Variants in JAKMIP1 observed in about 807,000 individuals in gnomAD.
JAKMIP1 encodes janus kinase and microtubule-interacting protein 1.
JAKMIP1 carries 33 observed loss-of-function variants against 113.0 expected under a neutral mutation model. That is an observed-to-expected ratio of 0.29 (90% confidence interval 0.22 to 0.39). The LOEUF (loss-of-function observed/expected upper bound fraction) is 0.39, where lower values mean the gene tolerates loss of function less well. JAKMIP1 is among the 10% of genes least tolerant of loss of function. The pLI is 1.00. For missense variants in JAKMIP1, 813 were observed against 1,080.5 expected (o/e 0.75, Z 3.47); for synonymous variants, 480 against 459.9 (o/e 1.04, Z -0.56).
In JAKMIP1 at chr4:6,033,146, TCTC is replaced by T. The variant is rs779467954; in HGVS notation, c.2379+2755_2379+2757del. On this transcript the variant is annotated intron_variant, in intron 19 of 20. Coordinates refer to ENST00000409021, the MANE Select transcript of JAKMIP1 (RefSeq NM_001099433.2). ...ACTAATGGATGTTTTCACATCCTCTTCTCCTCTTAGTTAACAGGGCTGGAAAAT... is the reference window on the plus strand; with the variant it reads ...ACTAATGGATGTTTTCACATCCTCTTCTCTTAGTTAACAGGGCTGGAAAAT... 3.9e-5 allele frequency among the ~76,000 whole-genome samples: 6 copies of T among 152,340 alleles called. No individual in the cohort carries two copies. The East Asian group carries it at 1.2e-3, about 29-fold the overall frequency.
intron 20 of JAKMIP1, among the ~76,000 whole-genome samples, chr4:6,026,893 A>C (rs1711916364): frequency 7.1e-6 from 1 of 139,876 alleles, no homozygotes. Context: ...TTTTTAGCTC[A>C]CCAGCTATTG....
In JAKMIP1 at chr4:6,116,716, C is replaced by T. The variant is rs1237274094; in HGVS notation, c.-147-3719G>A. Among the ~76,000 whole-genome samples the T allele has an allele frequency of 5.9e-5, 9 of 152,274 alleles. No homozygotes were observed. Among genetic ancestry groups the T allele is most frequent in the South Asian group, 2.1e-4 (1 of 4,820 alleles). ...AACTGCCTACAGGAAATTAATATAC[C>T]GGGCATGCAGGAGGACCAGACAAGG... On this transcript the variant is annotated intron_variant, in intron 1 of 20. Coordinates refer to ENST00000409021, the MANE Select transcript of JAKMIP1 (RefSeq NM_001099433.2). This position sits in a 1 kb window ranked among gnomAD's most constrained non-coding sequence, Gnocchi z 5.1.
rs1228020473 is a variant in JAKMIP1, at chr4:6,064,227, C to A, written c.1431+653G>T. Among the ~76,000 whole-genome samples the A allele has an allele frequency of 6.6e-6, 1 of 152,232 alleles. No homozygotes were observed. The highest frequency in any genetic ancestry group is 2.4e-5 in the African/African-American group (1 of 41,464). ...CATCACTGGAAGGCATAGAAGCCCA[C>A]AAGGTCTGCCTGAGATGTAATCAGC... is the stretch of plus-strand genomic sequence containing the variant. On this transcript the variant is annotated intron_variant, in intron 9 of 20. Transcript: ENST00000409021. The surrounding 1 kb of genome is among the most constrained non-coding windows in gnomAD (Gnocchi z 4.3).
At chr4:6,131,291 G>C (rs1718486468) in intron 1 of JAKMIP1, among the ~76,000 whole-genome samples, 1 of 143,850 alleles carries the variant, frequency 7.0e-6, no homozygotes, top group South Asian at 2.2e-4. Flanking sequence ...TAGTATCTGA[G>C]AATTTCACAA....
intron 1 of JAKMIP1, among the ~76,000 whole-genome samples, chr4:6,119,912 T>G (rs1431427436): frequency 2.6e-5 from 4 of 152,336 alleles, no homozygotes; most frequent in African/African-American, 9.6e-5. Flanking sequence ...CAGCCCCACA[T>G]GGCCTGATAG....
At chr4:6,071,061 A>AAATGT (rs1414776383) in intron 8 of JAKMIP1, among the ~76,000 whole-genome samples, 2 of 152,406 alleles carry the variant, frequency 1.3e-5, no homozygotes, top group African/African-American at 4.8e-5. Flanking sequence ...TTCATAAAAG[A>AAATGT]AATGTACATA....
In JAKMIP1 at chr4:6,156,552, G is replaced by A. The variant is rs113996477; in HGVS notation, c.-147-43555C>T. On this transcript the variant is annotated intron_variant, in intron 1 of 20. Coordinates refer to ENST00000409021, the MANE Select transcript of JAKMIP1 (RefSeq NM_001099433.2). This position sits in a 1 kb window ranked among gnomAD's most constrained non-coding sequence, Gnocchi z 5.0. ...CCAGAGCCATCTGTTCTGAGCGTTC[G>A]GCTTCAGCCCCCAGTCATCCTGGTG... 7.4e-3 allele frequency among the ~76,000 whole-genome samples: 1,121 copies of A among 152,298 alleles called. 13 individuals are homozygous for A. The highest frequency in any genetic ancestry group is 0.025 in the African/African-American group (1,059 of 41,550).
chr4:6,120,250 G>C (rs928605919), intron 1 of JAKMIP1, among the ~76,000 whole-genome samples: 1 of 150,556 alleles, frequency 6.6e-6, no homozygotes, highest in Admixed American at 6.6e-5. Flanking sequence ...CTCTGAGTAA[G>C]TACATGACTT....
At position 6,188,478 on chromosome 4, in the gene JAKMIP1, C is replaced by G. The variant is rs746462432; in HGVS notation, c.-148+11775G>C. Among the ~76,000 whole-genome samples the G allele has an allele frequency of 1.9e-4, 29 of 152,266 alleles. No individual in the cohort carries two copies. Among genetic ancestry groups the G allele is most frequent in the Non-Finnish European group, 4.1e-4 (28 of 68,020 alleles). On this transcript the variant is annotated intron_variant, in intron 1 of 20. Coordinates refer to ENST00000409021, the MANE Select transcript of JAKMIP1 (RefSeq NM_001099433.2). This position sits in a 1 kb window ranked among gnomAD's most constrained non-coding sequence, Gnocchi z 5.8. ...AGACACCACCCCAAAATGTTCAGCC[C>G]ACATCCCTACCTAAGAGTGACTTAA...
chr4:6,033,649 G>C (rs943753501), intron 19 of JAKMIP1, among the ~76,000 whole-genome samples: 2 of 152,152 alleles, frequency 1.3e-5, no homozygotes, highest in African/African-American at 4.8e-5. Context: ...GGCAGGATTT[G>C]AATAAAAACC....
rs1456754474 is a variant in JAKMIP1, at chr4:6,116,205, C to T, written c.-147-3208G>A. On this transcript the variant is annotated intron_variant, in intron 1 of 20. Coordinates refer to ENST00000409021, the MANE Select transcript of JAKMIP1 (RefSeq NM_001099433.2). This position sits in a 1 kb window ranked among gnomAD's most constrained non-coding sequence, Gnocchi z 5.1. The stretch of plus-strand genomic sequence containing the variant: ...TGCCATGGACACACTGTTGATAGTC[C>T]CGACGCTCACAGCACCACACAGCAT... Among the ~76,000 whole-genome samples the T allele has an allele frequency of 1.3e-5, 2 of 151,972 alleles. No individual in the cohort carries two copies. Among genetic ancestry groups the T allele is most frequent in the Non-Finnish European group, 2.9e-5 (2 of 67,992 alleles).
rs557009257 is a variant in JAKMIP1 at position 6,105,733 on chromosome 4, C to G, written c.364G>C (p.Asp122His). Residue 122 changes from aspartate to histidine, a missense_variant, in exon 3 of 21, where the codon GAC (aspartate) becomes CAC (histidine). By Grantham distance (81) the Asp-to-His change is moderately conservative (BLOSUM62 -1). Transcript: ENST00000409021. ...RLQATLNVLR[D>H]GAADKVKTAL... ...GTCTTGACCTTGTCGGCCGCGCCGTCGCGCAGCACGTTCAGCGTGGCCTGC... is the reference window on the plus strand; with the variant it reads ...GTCTTGACCTTGTCGGCCGCGCCGTGGCGCAGCACGTTCAGCGTGGCCTGC... 9 of 1,601,392 alleles carry G rather than the reference C, an allele frequency of 5.6e-6. No individual in the cohort carries two copies. The South Asian group carries it at 9.9e-5, about 18-fold the overall frequency.
intron 8 of JAKMIP1, among the ~76,000 whole-genome samples, chr4:6,072,216 CTTTCCCCTCCAGCCCGCT>C (rs1370438427): frequency 4.6e-5 from 7 of 152,250 alleles, no homozygotes; most frequent in Non-Finnish European, 1.0e-4. Context: ...CACACCCCCT[CTTTCCCCTCCAGCCCGCT>C]TTTCCCCTTT....
Position 6,112,702 on chromosome 4 carries a change from G to C in JAKMIP1, c.129+20C>G, listed in dbSNP as rs751389371. On this transcript the variant is annotated intron_variant, in intron 2 of 20. Coordinates refer to ENST00000409021, the MANE Select transcript of JAKMIP1 (RefSeq NM_001099433.2). ...GGACATTTGCAGCCCAGCCGCTGCT[G>C]AGCTGACGCCAACCCCCACCTTGCT... 6.2e-7 allele frequency: 1 copy of C among 1,611,806 alleles called. No homozygotes were observed. The highest frequency in any genetic ancestry group is 1.1e-5 in the South Asian group (1 of 90,960).
chr4:6,101,034 AATG>A (rs551380413), intron 3 of JAKMIP1, among the ~76,000 whole-genome samples: 77 of 152,312 alleles, frequency 5.1e-4, no homozygotes, highest in African/African-American at 1.7e-3. Context: ...TTTGATGAAC[AATG>A]ATTATTTCAT....
rs558532653 is a variant in JAKMIP1, at chr4:6,179,356, C to T, written c.-148+20897G>A. On this transcript the variant is annotated intron_variant, in intron 1 of 20. Transcript: ENST00000409021. This position sits in a 1 kb window ranked among gnomAD's most constrained non-coding sequence, Gnocchi z 4.5. The stretch of plus-strand genomic sequence containing the variant: ...TAAAGAGGAACCTAAAGCACCTGCT[C>T]AGGTGAGTACTCAGTAAATGCAACA... 6.6e-6 allele frequency among the ~76,000 whole-genome samples: 1 copy of T among 152,272 alleles called. No individual in the cohort carries two copies. Among genetic ancestry groups the T allele is most frequent in the South Asian group, 2.1e-4 (1 of 4,816 alleles).
Position 6,162,602 on chromosome 4 carries a change from T to G in JAKMIP1, c.-148+37651A>C, listed in dbSNP as rs1311280655. 1.3e-5 allele frequency among the ~76,000 whole-genome samples: 2 copies of G among 152,354 alleles called. No individual in the cohort carries two copies. The highest frequency in any genetic ancestry group is 2.1e-4 in the South Asian group (1 of 4,828). On this transcript the variant is annotated intron_variant, in intron 1 of 20. Coordinates refer to ENST00000409021, the MANE Select transcript of JAKMIP1 (RefSeq NM_001099433.2). This position sits in a 1 kb window ranked among gnomAD's most constrained non-coding sequence, Gnocchi z 5.6. ...TCATGTCAACAGGGCAAAGGCACCA[T>G]CTCGTTCAACCTGCCAAGCTCAGTG...
At chr4:6,075,322 G>T (rs1332537298) in intron 8 of JAKMIP1, among the ~76,000 whole-genome samples, 1 of 152,170 alleles carries the variant, frequency 6.6e-6, no homozygotes, top group Non-Finnish European at 1.5e-5. Context: ...AATGCCTGTG[G>T]CCTGTGGTAG....
In JAKMIP1 at chr4:6,132,220, G is replaced by A. The variant is rs573365494; in HGVS notation, c.-147-19223C>T. Among the ~76,000 whole-genome samples the A allele has an allele frequency of 1.2e-3, 186 of 152,294 alleles. 1 individual carries two copies. The highest frequency in any genetic ancestry group is 2.0e-3 in the Admixed American group (31 of 15,308). ...TCCACTACACAGGAAGCAGTGTGTTGTTATTTGAAAGTGGACTTGGATTAG... is the reference window on the plus strand; with the variant it reads ...TCCACTACACAGGAAGCAGTGTGTTATTATTTGAAAGTGGACTTGGATTAG... On this transcript the variant is annotated intron_variant, in intron 1 of 20. Coordinates refer to ENST00000409021, the MANE Select transcript of JAKMIP1 (RefSeq NM_001099433.2).
Sources: gnomAD v4.1 joint callset for allele counts (sites outside exome capture counted in the v4.1 genomes callset) on GRCh38, gnomAD v4.1.1 for gene constraint, Gnocchi (gnomAD v3.1) non-coding constraint, MANE v1.5 for transcripts, NCBI Gene and HGNC (gene_info 2026-07-23, HGNC 2026-07-21) for gene names.